The following TSTD1 variants were observed in gnomAD, a reference collection of about 807,000 sequenced individuals.
The protein encoded by TSTD1 is thiosulfate:glutathione sulfurtransferase.
TSTD1 carries 7 observed loss-of-function variants against 12.6 expected under a neutral mutation model. The ratio of observed to expected loss-of-function variants is 0.55; its 90% CI spans 0.32 to 1.04. TSTD1 has a LOEUF of 1.04. Among genes scored for constraint, TSTD1 ranks in the 50% least tolerant of loss-of-function variants. The pLI, the probability that TSTD1 is intolerant of heterozygous loss-of-function variation, is 0.05. For synonymous variants in TSTD1, 73 were observed against 59.7 expected (o/e 1.22, Z -1.03); for missense variants, 156 against 151.0 (o/e 1.03, Z -0.17).
In TSTD1 at chr1:161,038,935, C is replaced by T. The variant is rs1209379333; in HGVS notation, c.-46G>A. On this transcript the variant is annotated 5_prime_UTR_variant, in exon 1 of 4. Coordinates refer to ENST00000423014, the MANE Select transcript of TSTD1 (RefSeq NM_001113207.2). ...GTCTCCGGAGTGCGGCCCTGGCCCG[C>T]CCTCTCGGCGCCTGCAACATCTCCC... is the stretch of plus-strand genomic sequence containing the variant. The T allele has an allele frequency of 2.6e-6, 4 of 1,547,842 alleles. No homozygotes were observed. The highest frequency in any genetic ancestry group is 3.5e-6 in the Non-Finnish European group (4 of 1,144,176).
Position 161,037,910 on chromosome 1 carries a change from T to C in TSTD1, c.296+3A>G. On this transcript the variant is annotated splice_donor_region_variant and intron_variant, in intron 3 of 3. Coordinates refer to ENST00000423014, the MANE Select transcript of TSTD1 (RefSeq NM_001113207.2). ...CCCAGCTAGCAGCCACACCTCCCCG[T>C]ACCCAGTGTATCCAAGACTCCGGGC... 6.4e-7 allele frequency: 1 copy of C among 1,551,840 alleles called. No homozygotes were observed. The highest frequency in any genetic ancestry group is 2.4e-5 in the East Asian group (1 of 40,924).
At chr1:161,038,285 A>G (rs1650312824) in intron 2 of TSTD1, 1 of 676,434 alleles carries the variant, frequency 1.5e-6, no homozygotes, top group Middle Eastern at 4.1e-4. Context: ...ATGCCCCCTC[A>G]GGCGTCCAGA....
rs1161766915 is a variant in TSTD1 at position 161,037,642 on chromosome 1, G to C, written c.*133C>G. ...AGTGCTTCCAATACTTTGATTAAATGTTCTTTATTTGATGCTTTTGTGTGC... is the reference window on the plus strand; with the variant it reads ...AGTGCTTCCAATACTTTGATTAAATCTTCTTTATTTGATGCTTTTGTGTGC... On this transcript the variant is annotated 3_prime_UTR_variant, in exon 4 of 4. Transcript: ENST00000423014. 2 of 974,992 alleles carry C rather than the reference G, an allele frequency of 2.1e-6. No homozygotes were observed. Among genetic ancestry groups the C allele is most frequent in the African/African-American group, 3.3e-5 (2 of 61,010 alleles). The allele number at this position is 974,992 out of a possible 1,614,324, so 60.4% of individuals were successfully genotyped here.
Position 161,037,687 on chromosome 1 carries a change from C to G in TSTD1, c.*88G>C. ...GTGTGCACAACACTATAAGGAGTTG[C>G]CCAATTCACCAAGTCAGCCCGTTCA... is the stretch of plus-strand genomic sequence containing the variant. On this transcript the variant is annotated 3_prime_UTR_variant, in exon 4 of 4. Transcript: ENST00000423014. 7.2e-7 allele frequency: 1 copy of G among 1,396,274 alleles called. No homozygotes were observed. Among genetic ancestry groups the G allele is most frequent in the Non-Finnish European group, 9.9e-7 (1 of 1,009,102 alleles). The allele number at this position is 1,396,274 out of a possible 1,614,324, so 86.5% of individuals were successfully genotyped here.
intron 2 of TSTD1, 163 bp from the exon 3 acceptor site, chr1:161,038,238 G>A: frequency 1.3e-6 from 1 of 757,368 alleles, no homozygotes; most frequent in Non-Finnish European, 2.1e-6. Context: ...ACTTTTGAAT[G>A]CAAGCCACTC....
Position 161,038,631 on chromosome 1 carries a change from G to A in TSTD1, c.53C>T (p.Ser18Phe). Reference sequence around the variant, plus strand: ...CACGTCGAAGAGCCGGGCCCGTCCGGAGGCTAGGAGTGAACGGAGTTCAGG... The same window carrying A: ...CACGTCGAAGAGCCGGGCCCGTCCGAAGGCTAGGAGTGAACGGAGTTCAGG... ...SLPELRSLLA[S>F]GRARLFDVRS... The change falls in exon 2 of 4, where the codon TCC (serine) becomes TTC (phenylalanine). Residue 18 changes from serine to phenylalanine, a missense_variant. Ser to Phe is a radical substitution (Grantham distance 155). Coordinates refer to ENST00000423014, the MANE Select transcript of TSTD1 (RefSeq NM_001113207.2). 2.6e-6 allele frequency: 4 copies of A among 1,550,558 alleles called. No homozygotes were observed. Among genetic ancestry groups the A allele is most frequent in the Non-Finnish European group, 3.5e-6 (4 of 1,146,094 alleles).
chr1:161,037,706 C>T lies in TSTD1; in HGVS notation c.*69G>A. 6.6e-7 allele frequency: 1 copy of T among 1,519,202 alleles called. No individual in the cohort carries two copies. 94.1% of individuals were successfully genotyped at this position (1,519,202 alleles called of 1,614,324 possible). On this transcript the variant is annotated 3_prime_UTR_variant, in exon 4 of 4. Transcript: ENST00000423014. ...GAGTTGCCCAATTCACCAAGTCAGC[C>T]CGTTCACACCCTTAGTTAAGGTGGC...
At position 161,038,868 on chromosome 1, in the gene TSTD1, C is replaced by A. The variant is rs1243773153; in HGVS notation, c.10+12G>T. Reference sequence around the variant, plus strand: ...CAAGAGAACCGCGGCCCCAGGAATCCCCCGCAGGTACCTCCAGCCATGGTG... The same window carrying A: ...CAAGAGAACCGCGGCCCCAGGAATCACCCGCAGGTACCTCCAGCCATGGTG... On this transcript the variant is annotated intron_variant, in intron 1 of 3. Transcript: ENST00000423014. 1.3e-6 allele frequency: 2 copies of A among 1,549,930 alleles called. No individual in the cohort carries two copies.
intron 1 of TSTD1, 97 bp downstream of exon 1, chr1:161,038,783 C>A: frequency 1.3e-6 from 2 of 1,521,510 alleles, no homozygotes; most frequent in African/African-American, 2.8e-5. Flanking sequence ...CACGAAGACC[C>A]CTCAGCCACG....
chr1:161,038,764 T>C (rs1043734916), intron 1 of TSTD1, 91 bp from the exon 2 acceptor site: 8 of 1,519,590 alleles, frequency 5.3e-6, no homozygotes, highest in Middle Eastern at 3.4e-4. Context: ...CCCCTCCCGG[T>C]AGGGTGTGCA....
At position 161,037,836 on chromosome 1, in the gene TSTD1, C is replaced by G. The variant is rs1342864714; in HGVS notation, c.297-10G>C. 2 of 1,551,662 alleles carry G rather than the reference C, an allele frequency of 1.3e-6. No individual in the cohort carries two copies. The highest frequency in any genetic ancestry group is 2.7e-5 in the African/African-American group (2 of 73,036). On this transcript the variant is annotated splice_polypyrimidine_tract_variant and intron_variant, in intron 3 of 3. Transcript: ENST00000423014. ...AGCGTAGTTGCGAGCCCTGTGGAGACAAAGAAGCGTGAGAGACTGACAGGA... is the reference window on the plus strand; with the variant it reads ...AGCGTAGTTGCGAGCCCTGTGGAGAGAAAGAAGCGTGAGAGACTGACAGGA...
intron 1 of TSTD1, 53 bp downstream of exon 1, chr1:161,038,827 C>T: frequency 1.3e-6 from 2 of 1,539,516 alleles, no homozygotes. Flanking sequence ...CCCTGCCACG[C>T]CTCAACCCAG....
At position 161,038,429 on chromosome 1, in the gene TSTD1, G is replaced by A. The variant is rs912443976; in HGVS notation, c.133+122C>T. The A allele has an allele frequency of 6.5e-6, 8 of 1,228,182 alleles. No homozygotes were observed. The African/African-American group carries it at 7.6e-5, about 12-fold the overall frequency. The allele number at this position is 1,228,182 out of a possible 1,614,324, so 76.1% of individuals were successfully genotyped here. On this transcript the variant is annotated intron_variant, in intron 2 of 3. Transcript: ENST00000423014. Reference sequence around the variant, plus strand: ...CTACGGAAGCTGAGGGCTGGCTCCCGGGAATGCAGGACCCCCATAATCAGT... The same window carrying A: ...CTACGGAAGCTGAGGGCTGGCTCCCAGGAATGCAGGACCCCCATAATCAGT...
At position 161,038,338 on chromosome 1, in the gene TSTD1, G is replaced by A. The variant is rs1571040283; in HGVS notation, c.133+213C>T. ...AAGCTGGTCTGCCCCTCTCCTCTCC[G>A]CCTGCTGTCTTCTCAAACTGGATGG... is the stretch of plus-strand genomic sequence containing the variant. On this transcript the variant is annotated intron_variant, in intron 2 of 3. Transcript: ENST00000423014. 1.6e-5 allele frequency: 11 copies of A among 701,822 alleles called. No homozygotes were observed. In the East Asian group the frequency reaches 2.8e-4, roughly 18 times the overall value. 43.5% of individuals were successfully genotyped at this position (701,822 alleles called of 1,614,324 possible). A position where few individuals can be genotyped will look rare whatever the true frequency, so the allele number is the denominator to read the frequency against.
Position 161,038,085 on chromosome 1 carries a change from T to C in TSTD1, c.134-10A>G, listed in dbSNP as rs770799493. 3.9e-5 allele frequency: 61 copies of C among 1,550,460 alleles called. 1 individual carries two copies. In the Middle Eastern group the frequency reaches 5.0e-4, roughly 13 times the overall value. On this transcript the variant is annotated splice_polypyrimidine_tract_variant and intron_variant, in intron 2 of 3. Coordinates refer to ENST00000423014, the MANE Select transcript of TSTD1 (RefSeq NM_001113207.2). The stretch of plus-strand genomic sequence containing the variant: ...CTCTCCAACTCGGACACTGGAGGAG[T>C]GGAGAGGGTAGAAGGGAAAGCCAGC...
intron 1 of TSTD1, 76 bp from the exon 2 acceptor site, chr1:161,038,749 C>T (rs894166647): frequency 1.6e-5 from 25 of 1,519,748 alleles, no homozygotes; most frequent in Non-Finnish European, 2.0e-5. Context: ...CCTCACCTGG[C>T]AGCGCCCCTC....
intron 2 of TSTD1, 88 bp from the exon 3 acceptor site, chr1:161,038,163 C>G: frequency 8.9e-6 from 12 of 1,342,884 alleles, no homozygotes; most frequent in Admixed American, 2.4e-5. Flanking sequence ...GTCCTGGGGG[C>G]CCCCAAACAA....
Position 161,038,643 on chromosome 1 carries a change from G to GA in TSTD1, c.40dup (p.Ser14PhefsTer53). On this transcript the variant is annotated frameshift_variant, in exon 2 of 4. Coordinates refer to ENST00000423014, the MANE Select transcript of TSTD1 (RefSeq NM_001113207.2). LOFTEE classifies it high-confidence loss of function. ...CCGGGCCCGTCCGGAGGCTAGGAGT[G>GA]AACGGAGTTCAGGAAGCGAGACCGT... 1 of 1,549,966 alleles carries GA rather than the reference G, an allele frequency of 6.5e-7. No homozygotes were observed. The highest frequency in any genetic ancestry group is 8.7e-7 in the Non-Finnish European group (1 of 1,145,622).
At chr1:161,038,372 C>T in intron 2 of TSTD1, 179 bp downstream of exon 2, 2 of 810,346 alleles carry the variant, frequency 2.5e-6, no homozygotes, top group African/African-American at 1.7e-5. Flanking sequence ...GGGCCAGTTC[C>T]GATGCCAAGA....
Sources: allele counts gnomAD v4.1 joint callset, GRCh38; gene constraint gnomAD v4.1.1; transcripts MANE v1.5; gene names NCBI Gene and HGNC (gene_info 2026-07-23, HGNC 2026-07-21).